The following THAP4 variants were observed in gnomAD, a reference collection of about 807,000 sequenced individuals.
THAP4 encodes the protein peroxynitrite isomerase THAP4.
In THAP4, 18 loss-of-function variants were observed where a neutral mutation model predicts 48.1. That is an observed-to-expected ratio of 0.37 (90% CI 0.26 to 0.56). The LOEUF (loss-of-function observed/expected upper bound fraction) is 0.56. Among genes scored for constraint, THAP4 ranks in the 20% least tolerant of loss-of-function variants. The pLI, the probability that THAP4 is intolerant of heterozygous loss-of-function variation, is 0.78. For missense variants in THAP4, 656 were observed against 774.9 expected (o/e 0.85, Z 1.82); for synonymous variants, 345 against 324.9 (o/e 1.06, Z -0.66).
intron 2 of THAP4, among the ~76,000 whole-genome samples, chr2:241,614,854 A>C (rs1234117431): frequency 2.6e-5 from 4 of 152,142 alleles, no homozygotes; most frequent in Non-Finnish European, 4.4e-5. Flanking sequence ...GCACCATTGC[A>C]CTCCAGCCTG....
At chr2:241,591,397 G>T (rs1281870839) in intron 5 of THAP4, among the ~76,000 whole-genome samples, 1 of 152,212 alleles carries the variant, frequency 6.6e-6, no homozygotes, top group South Asian at 2.1e-4. Context: ...GATTATATAT[G>T]CTTGTCCAAA....
At chr2:241,593,159 C>T (rs147707665) in intron 5 of THAP4, among the ~76,000 whole-genome samples, 24 of 152,150 alleles carry the variant, frequency 1.6e-4, no homozygotes, top group African/African-American at 2.9e-4. Flanking sequence ...GTGGGAGAAT[C>T]GCTTGAGCCC....
intron 2 of THAP4, among the ~76,000 whole-genome samples, chr2:241,631,350 G>C (rs751051579): frequency 2.6e-5 from 4 of 152,136 alleles, no homozygotes; most frequent in Non-Finnish European, 4.4e-5. Context: ...CTATGTACAC[G>C]ACAGGCAAAG....
chr2:241,637,400 T>C (rs2067694808), upstream of THAP4: 1 of 1,435,508 alleles, frequency 7.0e-7, no homozygotes. Flanking sequence ...AGCTCGCCTC[T>C]GCCGCCTCGA....
intron 2 of THAP4, among the ~76,000 whole-genome samples, chr2:241,608,727 C>T (rs981327077): frequency 2.0e-5 from 3 of 152,194 alleles, no homozygotes; most frequent in African/African-American, 7.2e-5. Flanking sequence ...GCAGACAATA[C>T]ACAAGAAATG....
At chr2:241,629,538 G>A (rs2067532928) in intron 2 of THAP4, among the ~76,000 whole-genome samples, 2 of 151,176 alleles carry the variant, frequency 1.3e-5, no homozygotes, top group African/African-American at 4.9e-5. Flanking sequence ...AAAACGGTGA[G>A]GAAGCCTAAC....
In THAP4 at chr2:241,616,050, TC is replaced by T. The variant is rs2067341380; in HGVS notation, c.1241-9578del. ...CCTGCCACAAGACGCCTGGGAGAAC[TC>T]AGTCAGGGGGCTGGCAAGGACAGGT... On this transcript the variant is annotated intron_variant, in intron 2 of 5. Coordinates refer to ENST00000407315, the MANE Select transcript of THAP4 (RefSeq NM_015963.6). The surrounding 1 kb of genome is among the most constrained non-coding windows in gnomAD (Gnocchi z 4.6). Among the ~76,000 whole-genome samples, 1 of 152,154 alleles carries T rather than the reference TC, an allele frequency of 6.6e-6. No individual in the cohort carries two copies.
chr2:241,585,617 T>C (rs2066883515), intron 5 of THAP4, among the ~76,000 whole-genome samples: 2 of 151,952 alleles, frequency 1.3e-5, no homozygotes, highest in Admixed American at 6.6e-5. Flanking sequence ...CCCGATGCTT[T>C]TGCTGCCCGG....
At chr2:241,634,129 T>C in intron 1 of THAP4, 50 bp from the exon 2 acceptor site, 1 of 1,396,198 alleles carries the variant, frequency 7.2e-7, no homozygotes, top group East Asian at 2.4e-5. Context: ...ATGTCTCCCC[T>C]TAAAATAATC....
chr2:241,609,561 C>A (rs988970344), intron 2 of THAP4, among the ~76,000 whole-genome samples: 4 of 152,152 alleles, frequency 2.6e-5, no homozygotes, highest in Non-Finnish European at 4.4e-5. Context: ...CCGAGACGGG[C>A]AGATCACCTC....
rs1431039392 is a variant in THAP4 at position 241,601,130 on chromosome 2, T to C, written c.1614+766A>G. Among the ~76,000 whole-genome samples the C allele has an allele frequency of 6.6e-6, 1 of 151,732 alleles. No individual in the cohort carries two copies. The highest frequency in any genetic ancestry group is 1.5e-5 in the Non-Finnish European group (1 of 67,918). On this transcript the variant is annotated intron_variant, in intron 5 of 5. Coordinates refer to ENST00000407315, the MANE Select transcript of THAP4 (RefSeq NM_015963.6). This position sits in a 1 kb window ranked among gnomAD's most constrained non-coding sequence, Gnocchi z 4.0. ...CCTGTCTCTACTAATAATACAAAAT[T>C]AGCCAGGCGTGGTGGCGCATGCCTG...
Position 241,631,204 on chromosome 2 carries a change from G to A in THAP4, c.1240+1713C>T, listed in dbSNP as rs149465546. Among the ~76,000 whole-genome samples the A allele has an allele frequency of 6.4e-3, 980 of 152,272 alleles. 12 individuals carry two copies. Among genetic ancestry groups the A allele is most frequent in the African/African-American group, 0.021 (854 of 41,540 alleles). ...ACACATCTGGAGAACATGTCGGATG[G>A]GCTTTGTTTTCGGTTGTGCTAATAG... On this transcript the variant is annotated intron_variant, in intron 2 of 5. Coordinates refer to ENST00000407315, the MANE Select transcript of THAP4 (RefSeq NM_015963.6).
chr2:241,633,093 T>C lies in THAP4; in HGVS notation c.1064A>G (p.Asn355Ser), dbSNP rs2067587266. 1 of 1,613,972 alleles carries C rather than the reference T, an allele frequency of 6.2e-7. No homozygotes were observed. Residue 355 changes from asparagine to serine, a missense_variant, in exon 2 of 6, where the codon AAC (asparagine) becomes AGC (serine). Around this residue, in one of 4 missense-constraint regions of THAP4, gnomAD observed 391 missense variants for 412.4 expected, o/e 0.95. Coordinates refer to ENST00000407315, the MANE Select transcript of THAP4 (RefSeq NM_015963.6). The surrounding 1 kb of genome is among the most constrained non-coding windows in gnomAD (Gnocchi z 7.5). ...CCGCAGGCAGCACACCTGGCTCTTG[T>C]TCTGCCGGGAGGAGAAGCAGTAGGA... Reference protein sequence around the residue: ...LHSYCFSSRQNKSQVCCLREQ... With the variant: ...LHSYCFSSRQSKSQVCCLREQ...
At chr2:241,595,975 C>T (rs972884512) in intron 5 of THAP4, among the ~76,000 whole-genome samples, 4 of 152,224 alleles carry the variant, frequency 2.6e-5, no homozygotes, top group Non-Finnish European at 5.9e-5. Context: ...GTCCCGTGGG[C>T]TGCACGTGGA....
At chr2:241,600,430 A>G (rs985126441) in intron 5 of THAP4, among the ~76,000 whole-genome samples, 19 of 152,090 alleles carry the variant, frequency 1.2e-4, no homozygotes, top group African/African-American at 4.1e-4. Context: ...GTAAGAATAC[A>G]AGAAATGAAA....
At chr2:241,637,238 T>A, upstream of THAP4, 1 of 1,018,522 alleles carries the variant, frequency 9.8e-7, no homozygotes, top group Non-Finnish European at 1.2e-6. Flanking sequence ...TTCGGGCGTC[T>A]TCGGACCAGC....
In THAP4 at chr2:241,584,477, TG is replaced by T; in HGVS notation, c.*128del. On this transcript the variant is annotated 3_prime_UTR_variant, in exon 6 of 6. Transcript: ENST00000407315. Reference sequence around the variant, plus strand: ...TTTTCTATGCCAGTACAGAAACATCTGGACAACACTCTTGAGCCTGCAGAGG... The same window carrying T: ...TTTTCTATGCCAGTACAGAAACATCTGACAACACTCTTGAGCCTGCAGAGG... 2.0e-6 allele frequency: 2 copies of T among 989,844 alleles called. No individual in the cohort carries two copies. The highest frequency in any genetic ancestry group is 1.5e-5 in the South Asian group (1 of 64,830). The allele number at this position is 989,844 out of a possible 1,614,324, so 61.3% of individuals were successfully genotyped here.
At chr2:241,626,800 G>C (rs1160746192) in intron 2 of THAP4, among the ~76,000 whole-genome samples, 1 of 152,214 alleles carries the variant, frequency 6.6e-6, no homozygotes, top group Admixed American at 6.5e-5. Flanking sequence ...TTGACCTTAA[G>C]TGATCTGCCT....
At chr2:241,594,633 C>A in intron 5 of THAP4, 1 of 306,886 alleles carries the variant, frequency 3.3e-6, no homozygotes, top group African/African-American at 2.2e-5. Context: ...TGGTGCATAC[C>A]TGTGGCCCCA....
Sources: allele counts gnomAD v4.1 joint callset (sites outside exome capture counted in the v4.1 genomes callset), GRCh38; gene constraint gnomAD v4.1.1; regional missense constraint gnomAD v4.1.1; non-coding constraint Gnocchi (gnomAD v3.1); transcripts MANE v1.5; gene names NCBI Gene and HGNC (gene_info 2026-07-23, HGNC 2026-07-21).